Variants in CLIP4 observed in about 807,000 individuals in gnomAD.
CLIP4 encodes CAP-Gly domain-containing linker protein 4.
In CLIP4, 47 loss-of-function variants were observed where a neutral mutation model predicts 73.1. The observed-to-expected ratio is 0.64, with a 90% CI of 0.51 to 0.82. The LOEUF is 0.82. CLIP4 is among the 40% of genes least tolerant of loss of function. The pLI is 0.00. For synonymous variants in CLIP4, 306 were observed against 295.4 expected (o/e 1.04, Z -0.37); for missense variants, 874 against 852.9 (o/e 1.02, Z -0.31).
chr2:29,160,522 A>C lies in CLIP4; in HGVS notation c.1534+55A>C, dbSNP rs564700247. The C allele has an allele frequency of 5.1e-6, 8 of 1,576,528 alleles. No individual in the cohort carries two copies. In the Admixed American group the frequency reaches 5.3e-5, roughly 10 times the overall value. The stretch of plus-strand genomic sequence containing the variant: ...AATTCTTTAGAGTACAAAAGGTTTA[A>C]AATTTTACATGTAAATAGAATTTAA... On this transcript the variant is annotated intron_variant, in intron 12 of 15. Transcript: ENST00000320081.
At chr2:29,121,792 T>G (rs1664265423) in intron 2 of CLIP4, among the ~76,000 whole-genome samples, 1 of 152,174 alleles carries the variant, frequency 6.6e-6, no homozygotes, top group Non-Finnish European at 1.5e-5. Flanking sequence ...AAAGCAATGG[T>G]GCTTAGATAT....
At chr2:29,172,666 A>G (rs925326615) in intron 14 of CLIP4, among the ~76,000 whole-genome samples, 5 of 151,588 alleles carry the variant, frequency 3.3e-5, no homozygotes, top group Non-Finnish European at 7.4e-5. Flanking sequence ...CTCCTTTATT[A>G]TTTTTCTTAG....
At chr2:29,175,978 G>C (rs373969493) in intron 15 of CLIP4, among the ~76,000 whole-genome samples, 1 of 152,164 alleles carries the variant, frequency 6.6e-6, no homozygotes, top group South Asian at 2.1e-4. Context: ...AGCCAGGATG[G>C]TCTCGATCTC....
At chr2:29,174,725 T>C (rs1225731308) in intron 15 of CLIP4, 2 of 1,037,034 alleles carry the variant, frequency 1.9e-6, no homozygotes, top group East Asian at 1.4e-4. Context: ...ATATTGTCTT[T>C]TCATTAAGTA....
At chr2:29,152,650 A>G (rs752298115) in intron 8 of CLIP4, 35 bp from the exon 9 acceptor site, 1 of 1,597,754 alleles carries the variant, frequency 6.3e-7, no homozygotes, top group Admixed American at 1.7e-5. Context: ...AAATGTTTTA[A>G]TTGTTTAACA....
In CLIP4 at chr2:29,171,264, A is replaced by G. The variant is rs552177941; in HGVS notation, c.1724-3109A>G. Among the ~76,000 whole-genome samples, 35 of 152,110 alleles carry G rather than the reference A, an allele frequency of 2.3e-4. No homozygotes were observed. The South Asian group carries it at 3.1e-3, about 13-fold the overall frequency. ...TCTCCATTTATTTATATCTTCTTTG[A>G]TTTCTTCCATCAGAGTTTTATAGTT... On this transcript the variant is annotated intron_variant, in intron 14 of 15. Transcript: ENST00000320081.
Position 29,124,617 on chromosome 2 carries a change from T to C in CLIP4, c.133+3096T>C, listed in dbSNP as rs555937824. Among the ~76,000 whole-genome samples, 245 of 148,512 alleles carry C rather than the reference T, an allele frequency of 1.6e-3. 1 individual carries two copies. Among genetic ancestry groups the C allele is most frequent in the African/African-American group, 5.9e-3 (240 of 40,884 alleles). ...AGTTGTCCCATAACTCACTGATTTA[T>C]TTTATATTTAAACATTTTTTTCTCT... On this transcript the variant is annotated intron_variant, in intron 2 of 15. Transcript: ENST00000320081.
At chr2:29,174,680 G>T in intron 15 of CLIP4, 1 of 1,170,882 alleles carries the variant, frequency 8.5e-7, no homozygotes, top group South Asian at 3.4e-5. Flanking sequence ...TCTTCATAGA[G>T]GTCAGAACTG....
chr2:29,135,669 AAG>A lies in CLIP4; in HGVS notation c.648+6_648+7del. ...AGGGAGCAAATCCTGCATTTAGGGT[AAG>A]AGGTTAAATTAAAAGTGAAAAATAT... On this transcript the variant is annotated splice_donor_5th_base_variant and intron_variant, in intron 6 of 15. Transcript: ENST00000320081. 1 of 1,573,094 alleles carries A rather than the reference AAG, an allele frequency of 6.4e-7. No homozygotes were observed. Among genetic ancestry groups the A allele is most frequent in the Non-Finnish European group, 8.6e-7 (1 of 1,156,214 alleles).
intron 14 of CLIP4, among the ~76,000 whole-genome samples, chr2:29,173,877 C>G (rs1484498032): frequency 6.6e-6 from 1 of 151,962 alleles, no homozygotes; most frequent in African/African-American, 2.4e-5. Flanking sequence ...ACCATTTTAT[C>G]TTTTTCTTTT....
At chr2:29,112,871 T>C (rs1668417988), upstream of CLIP4, among the ~76,000 whole-genome samples, 1 of 152,246 alleles carries the variant, frequency 6.6e-6, no homozygotes, top group Non-Finnish European at 1.5e-5. Flanking sequence ...CCAGTCCATG[T>C]AAAAGCAGTG....
chr2:29,104,989 TG>T (rs984298570), intron 1 of CLIP4, among the ~76,000 whole-genome samples: 51 of 152,320 alleles, frequency 3.3e-4, no homozygotes, highest in African/African-American at 1.2e-3. Flanking sequence ...GTTGTTTTTT[TG>T]CTGGGACTCT....
At chr2:29,165,328 A>T (rs2148068535) in intron 13 of CLIP4, among the ~76,000 whole-genome samples, 1 of 152,132 alleles carries the variant, frequency 6.6e-6, no homozygotes, top group East Asian at 1.9e-4. Flanking sequence ...GTGCTTATAC[A>T]TGCTGGGGTC....
At chr2:29,102,638 T>G (rs1405034359) in intron 1 of CLIP4, among the ~76,000 whole-genome samples, 1 of 151,882 alleles carries the variant, frequency 6.6e-6, no homozygotes, top group African/African-American at 2.4e-5. Flanking sequence ...TTTCTTTTTT[T>G]TTTTTGAGAC....
chr2:29,149,632 T>G (rs1185933768), intron 8 of CLIP4, among the ~76,000 whole-genome samples: 2 of 151,970 alleles, frequency 1.3e-5, no homozygotes, highest in Non-Finnish European at 2.9e-5. Flanking sequence ...AATACTTCAG[T>G]TAGCCTGAGT....
At chr2:29,134,671 T>G (rs1326949401) in intron 5 of CLIP4, among the ~76,000 whole-genome samples, 1 of 152,116 alleles carries the variant, frequency 6.6e-6, no homozygotes, top group African/African-American at 2.4e-5. Context: ...TGGTGTTGTT[T>G]AGTTGAGGGT....
At chr2:29,140,563 A>G (rs1361319886) in intron 6 of CLIP4, among the ~76,000 whole-genome samples, 1 of 152,200 alleles carries the variant, frequency 6.6e-6, no homozygotes, top group African/African-American at 2.4e-5. Context: ...TCTTTATAGC[A>G]GCATGATTTA....
chr2:29,157,222 T>A lies in CLIP4; in HGVS notation c.1274T>A (p.Val425Asp). 1 of 1,614,092 alleles carries A rather than the reference T, an allele frequency of 6.2e-7. No homozygotes were observed. Among genetic ancestry groups the A allele is most frequent in the South Asian group, 1.1e-5 (1 of 91,084 alleles). The part of the protein sequence containing the change: ...TEKDVALLGS[V>D]SSCSSTSSLE... ...GTTACAGTTGCCCTGCTTGGATCTGTCAGCAGCTGCTCCTCTACATCTTCT... is the reference window on the plus strand; with the variant it reads ...GTTACAGTTGCCCTGCTTGGATCTGACAGCAGCTGCTCCTCTACATCTTCT... The change falls in exon 11 of 16, where the codon GTC (valine) becomes GAC (aspartate). Residue 425 changes from valine (V) to aspartate (D), a missense_variant. Physicochemically the swap from Val to Asp is radical, Grantham distance 152 (BLOSUM62 -3). Transcript: ENST00000320081.
intron 11 of CLIP4, 180 bp downstream of exon 11, chr2:29,157,527 C>G (rs10192072): frequency 0.39 from 326,518 of 831,840 alleles, 69,094 homozygotes; most frequent in East Asian, 0.74. Flanking sequence ...TTTGCCGTCT[C>G]AGATATAAGA....
Sources: gnomAD v4.1 joint callset for allele counts (sites outside exome capture counted in the v4.1 genomes callset) on GRCh38, gnomAD v4.1.1 for gene constraint, MANE v1.5 for transcripts, NCBI Gene and HGNC (gene_info 2026-07-23, HGNC 2026-07-21) for gene names.